UBE2E2: variants seen among roughly 807,000 people sequenced by gnomAD.
The protein encoded by UBE2E2 is ubiquitin conjugating enzyme E2 E2, also known as ubiquitin-conjugating enzyme E2 E2.
UBE2E2 carries 6 observed loss-of-function variants against 24.7 expected under a neutral mutation model. That is an observed-to-expected ratio of 0.24 (90% CI 0.13 to 0.48). The LOEUF is 0.48. Among genes scored for constraint, UBE2E2 ranks in the 20% least tolerant of loss-of-function variants. The probability of loss-of-function intolerance (pLI) is 0.99; values close to 1 mark genes in which losing one functional copy is unlikely to be tolerated. For missense variants in UBE2E2, 169 were observed against 245.0 expected (o/e 0.69, Z 2.07); for synonymous variants, 104 against 83.6 (o/e 1.24, Z -1.33).
intron 3 of UBE2E2, among the ~76,000 whole-genome samples, chr3:23,419,296 G>A (rs191035034): frequency 6.6e-6 from 1 of 152,178 alleles, no homozygotes; most frequent in East Asian, 1.9e-4. Flanking sequence ...TAATTAACTT[G>A]TAATAACCCC....
At chr3:23,260,813 A>G (rs1410383182) in intron 3 of UBE2E2, among the ~76,000 whole-genome samples, 1 of 152,194 alleles carries the variant, frequency 6.6e-6, no homozygotes, top group African/African-American at 2.4e-5. Flanking sequence ...GGAGGGAGAC[A>G]GTAATGGGGC....
At chr3:23,355,925 C>G (rs1334956184) in intron 3 of UBE2E2, among the ~76,000 whole-genome samples, 2 of 152,220 alleles carry the variant, frequency 1.3e-5, no homozygotes, top group African/African-American at 4.8e-5. Context: ...CTAAGACTTT[C>G]TGAATTTTGT....
chr3:23,508,202 T>G (rs551177407), intron 4 of UBE2E2, among the ~76,000 whole-genome samples: 1 of 152,320 alleles, frequency 6.6e-6, no homozygotes, highest in East Asian at 1.9e-4. Context: ...GATTAAAAAT[T>G]GATCAAAATG....
intron 3 of UBE2E2, among the ~76,000 whole-genome samples, chr3:23,224,195 G>C (rs561874232): frequency 2.0e-4 from 22 of 112,638 alleles, no homozygotes; most frequent in Non-Finnish European, 3.6e-4. Flanking sequence ...TTTCTGTGAA[G>C]AATGTTATTG....
At chr3:23,448,077 A>T (rs1187493300) in intron 3 of UBE2E2, among the ~76,000 whole-genome samples, 1 of 151,582 alleles carries the variant, frequency 6.6e-6, no homozygotes, top group Non-Finnish European at 1.5e-5. Context: ...TAAAGGCAGT[A>T]TTTTTTTTTC....
At chr3:23,388,871 A>G (rs190712579) in intron 3 of UBE2E2, among the ~76,000 whole-genome samples, 1 of 152,022 alleles carries the variant, frequency 6.6e-6, no homozygotes, top group East Asian at 1.9e-4. Context: ...TGGGTGGGGC[A>G]CATGCCTGTA....
chr3:23,221,320 G>A lies in UBE2E2; in HGVS notation c.227+4008G>A, dbSNP rs1192137166. Among the ~76,000 whole-genome samples, 3 of 152,100 alleles carry A rather than the reference G, an allele frequency of 2.0e-5. No homozygotes were observed. The East Asian group carries it at 5.8e-4, about 29-fold the overall frequency. On this transcript the variant is annotated intron_variant, in intron 3 of 5. Coordinates refer to ENST00000396703, the MANE Select transcript of UBE2E2 (RefSeq NM_152653.4). ...GATAACAGCTTTATTGAGATATAAAGTGTAAAATTCACTTATACTTTTAGG... is the reference window on the plus strand; with the variant it reads ...GATAACAGCTTTATTGAGATATAAAATGTAAAATTCACTTATACTTTTAGG...
At chr3:23,207,715 A>G (rs966957359) in intron 1 of UBE2E2, among the ~76,000 whole-genome samples, 2 of 152,210 alleles carry the variant, frequency 1.3e-5, no homozygotes, top group African/African-American at 4.8e-5. Flanking sequence ...GTACTTAGCA[A>G]GTTGGCTAGT....
chr3:23,503,532 A>T (rs1427648511), intron 4 of UBE2E2, among the ~76,000 whole-genome samples: 1 of 152,010 alleles, frequency 6.6e-6, no homozygotes, highest in African/African-American at 2.4e-5. Flanking sequence ...TTTTAGATTC[A>T]TAGATAATTA....
chr3:23,465,537 G>T (rs1298235458), intron 3 of UBE2E2, among the ~76,000 whole-genome samples: 1 of 152,162 alleles, frequency 6.6e-6, no homozygotes, highest in Non-Finnish European at 1.5e-5. Context: ...TGAATGACTG[G>T]CCTCTCAGAG....
At chr3:23,531,482 T>C (rs1418232412) in intron 4 of UBE2E2, among the ~76,000 whole-genome samples, 1 of 152,206 alleles carries the variant, frequency 6.6e-6, no homozygotes, top group Non-Finnish European at 1.5e-5. Flanking sequence ...TAAAACTGAT[T>C]TGCACTTAAT....
At chr3:23,305,777 T>C (rs1699222243) in intron 3 of UBE2E2, among the ~76,000 whole-genome samples, 1 of 152,148 alleles carries the variant, frequency 6.6e-6, no homozygotes, top group African/African-American at 2.4e-5. Context: ...TCACCCAGGT[T>C]GGAGTATAGT....
At chr3:23,411,744 C>T (rs1023648775) in intron 3 of UBE2E2, among the ~76,000 whole-genome samples, 5 of 152,118 alleles carry the variant, frequency 3.3e-5, no homozygotes, top group Non-Finnish European at 7.3e-5. Context: ...TCATTTCCTT[C>T]AACTAGAACG....
intron 3 of UBE2E2, among the ~76,000 whole-genome samples, chr3:23,261,487 A>C (rs1338499032): frequency 6.6e-6 from 1 of 152,182 alleles, no homozygotes; most frequent in Non-Finnish European, 1.5e-5. Flanking sequence ...AGAGAACATT[A>C]GGATGTACTC....
intron 3 of UBE2E2, among the ~76,000 whole-genome samples, chr3:23,382,415 C>T (rs900331651): frequency 2.0e-5 from 3 of 152,000 alleles, no homozygotes; most frequent in South Asian, 4.2e-4. Flanking sequence ...CTCCCAACCT[C>T]GGGTAATCCG....
chr3:23,309,720 G>C (rs975462209), intron 3 of UBE2E2, among the ~76,000 whole-genome samples: 2 of 152,162 alleles, frequency 1.3e-5, no homozygotes, highest in African/African-American at 4.8e-5. Flanking sequence ...CTGAATAGCA[G>C]CGTTTAGTCA....
At chr3:23,306,851 G>T (rs542649838) in intron 3 of UBE2E2, among the ~76,000 whole-genome samples, 76 of 152,260 alleles carry the variant, frequency 5.0e-4, no homozygotes, top group Admixed American at 1.2e-3. Context: ...TAACAATCCA[G>T]ACAGACCTGT....
intron 3 of UBE2E2, among the ~76,000 whole-genome samples, chr3:23,323,832 A>T (rs957702349): frequency 1.3e-5 from 2 of 151,966 alleles, no homozygotes; most frequent in Non-Finnish European, 2.9e-5. Context: ...GTGCTTTCTC[A>T]TAGCACTTTT....
intron 3 of UBE2E2, among the ~76,000 whole-genome samples, chr3:23,441,166 A>G (rs1176698818): frequency 1.3e-5 from 2 of 152,150 alleles, no homozygotes; most frequent in Non-Finnish European, 2.9e-5. Flanking sequence ...GAAAACTAAT[A>G]TCCACCCTGC....
Sources: allele counts gnomAD v4.1 joint callset (sites outside exome capture counted in the v4.1 genomes callset), GRCh38; gene constraint gnomAD v4.1.1; transcripts MANE v1.5; gene names NCBI Gene and HGNC (gene_info 2026-07-23, HGNC 2026-07-21).